ANXA3: variants seen among roughly 807,000 people sequenced by gnomAD.
The protein encoded by ANXA3 is annexin A3, also known as 35-alpha calcimedin.
Under a neutral mutation model 48.8 loss-of-function variants are expected in ANXA3, and 46 were observed. The ratio of observed to expected loss-of-function variants is 0.94; its 90% CI spans 0.74 to 1.21. The LOEUF is 1.21. Among genes scored for constraint, ANXA3 ranks in the 50% most tolerant of loss-of-function variants. ANXA3 has a pLI of 0.00. For synonymous variants in ANXA3, 128 were observed against 134.7 expected (o/e 0.95, Z 0.35); for missense variants, 383 against 378.6 (o/e 1.01, Z -0.10).
intron 4 of ANXA3, among the ~76,000 whole-genome samples, chr4:78,580,973 G>A (rs1484752265): frequency 6.6e-6 from 1 of 152,226 alleles, no homozygotes; most frequent in Non-Finnish European, 1.5e-5. Context: ...AAAGATGGAG[G>A]TGGAGGGGAA....
chr4:78,580,149 T>C (rs1028606724), intron 4 of ANXA3, among the ~76,000 whole-genome samples: 2 of 152,180 alleles, frequency 1.3e-5, no homozygotes, highest in Non-Finnish European at 2.9e-5. Flanking sequence ...ATAAGTGATA[T>C]GAAAGAATTA....
chr4:78,610,006 C>T (rs769130226), intron 12 of ANXA3, 50 bp from the exon 13 acceptor site: 195 of 1,395,774 alleles, frequency 1.4e-4, no homozygotes, highest in Non-Finnish European at 1.9e-4. Context: ...CATTTATGGT[C>T]TCCCATTATT....
intron 2 of ANXA3, among the ~76,000 whole-genome samples, chr4:78,572,769 A>G (rs1212172901): frequency 6.6e-6 from 1 of 152,228 alleles, no homozygotes; most frequent in East Asian, 1.9e-4. Context: ...CTCCAGAATA[A>G]TGGCAGGTAA....
chr4:78,559,957 G>A (rs555819119), intron 2 of ANXA3, among the ~76,000 whole-genome samples: 50 of 152,006 alleles, frequency 3.3e-4, no homozygotes, highest in African/African-American at 1.0e-3. Flanking sequence ...AAATAATATC[G>A]CTGCAACTGT....
chr4:78,605,019 A>G (rs1004199378), intron 12 of ANXA3, among the ~76,000 whole-genome samples: 16 of 152,244 alleles, frequency 1.1e-4, no homozygotes, highest in African/African-American at 3.9e-4. Flanking sequence ...TGCATTTTAA[A>G]TTTTGACAAA....
Position 78,573,174 on chromosome 4 carries a change from T to C in ANXA3, c.16-6T>C. On this transcript the variant is annotated splice_polypyrimidine_tract_variant and splice_region_variant and intron_variant, in intron 2 of 12. Coordinates refer to ENST00000264908, the MANE Select transcript of ANXA3 (RefSeq NM_005139.3). The stretch of plus-strand genomic sequence containing the variant: ...ACCAATGGGACTTTCAAGTATTTCC[T>C]TCTAGGTTGGACACCGAGGAACAGT... The C allele has an allele frequency of 6.2e-7, 1 of 1,604,612 alleles. No individual in the cohort carries two copies. Among genetic ancestry groups the C allele is most frequent in the Non-Finnish European group, 8.5e-7 (1 of 1,171,680 alleles).
intron 7 of ANXA3, among the ~76,000 whole-genome samples, chr4:78,593,101 T>C (rs1339579998): frequency 7.7e-6 from 1 of 130,450 alleles, no homozygotes; most frequent in African/African-American, 2.8e-5. Context: ...TATTTGTACA[T>C]GAACACACAT....
Position 78,573,071 on chromosome 4 carries a change from C to T in ANXA3, c.16-109C>T, listed in dbSNP as rs372821270. ...ACTCCTGAAGTGGTAGGAAGGTGTG[C>T]GAATTATGGGTTTGTCATATGCCTC... On this transcript the variant is annotated intron_variant, in intron 2 of 12. Transcript: ENST00000264908. 18 of 857,542 alleles carry T rather than the reference C, an allele frequency of 2.1e-5. No homozygotes were observed. The African/African-American group carries it at 2.3e-4, about 11-fold the overall frequency. 53.1% of individuals were successfully genotyped at this position (857,542 alleles called of 1,614,324 possible). A position where few individuals can be genotyped will look rare whatever the true frequency, so the allele number is the denominator to read the frequency against.
chr4:78,565,222 GA>G (rs1560441233), intron 2 of ANXA3, among the ~76,000 whole-genome samples: 5 of 152,110 alleles, frequency 3.3e-5, no homozygotes, highest in Admixed American at 3.3e-4. Flanking sequence ...TCGAACTCCT[GA>G]CCTCAGGTGA....
At chr4:78,584,250 C>T (rs1433707970) in intron 5 of ANXA3, among the ~76,000 whole-genome samples, 1 of 152,178 alleles carries the variant, frequency 6.6e-6, no homozygotes, top group Non-Finnish European at 1.5e-5. Flanking sequence ...GCAATTATGG[C>T]TCACTGCAGC....
chr4:78,553,322 T>C (rs1252409272), intron 1 of ANXA3, among the ~76,000 whole-genome samples: 2 of 152,202 alleles, frequency 1.3e-5, no homozygotes, highest in East Asian at 3.8e-4. Context: ...TATTAAATCA[T>C]TCATTTAATC....
intron 11 of ANXA3, chr4:78,602,811 T>C (rs1447605182): frequency 6.6e-6 from 1 of 152,372 alleles, no homozygotes; most frequent in Non-Finnish European, 1.5e-5. Context: ...TCCCAGAGAA[T>C]GGCCCCAACA....
At chr4:78,604,192 AT>A in intron 11 of ANXA3, 84 bp from the exon 12 acceptor site, 1 of 1,281,234 alleles carries the variant, frequency 7.8e-7, no homozygotes, top group Non-Finnish European at 1.1e-6. Flanking sequence ...TTTGCACACC[AT>A]TATCTGATTC....
Position 78,604,313 on chromosome 4 carries a change from A to G in ANXA3, c.826A>G (p.Met276Val), listed in dbSNP as rs1723603791. ...TGATGAGTTTACTCTGAACCGAATAATGGTGTCCAGATCAGAAATTGACCT... is the reference window on the plus strand; with the variant it reads ...TGATGAGTTTACTCTGAACCGAATAGTGGTGTCCAGATCAGAAATTGACCT... ...GTDEFTLNRI[M>V]VSRSEIDLLD... The change falls in exon 12 of 13, where the codon ATG becomes GTG. Residue 276 changes from methionine (M) to valine (V), a missense_variant. Transcript: ENST00000264908. 2.5e-6 allele frequency: 4 copies of G among 1,613,540 alleles called. No homozygotes were observed. The East Asian group carries it at 6.7e-5, about 27-fold the overall frequency.
At chr4:78,555,299 T>A (rs1441692812) in intron 2 of ANXA3, among the ~76,000 whole-genome samples, 1 of 152,176 alleles carries the variant, frequency 6.6e-6, no homozygotes, top group Non-Finnish European at 1.5e-5. Context: ...ACCAAACGCC[T>A]AAAAGAAAAA....
At position 78,588,271 on chromosome 4, in the gene ANXA3, C is replaced by T. The variant is rs116452286; in HGVS notation, c.403+1921C>T. ...GGCCAGGTGTGGTGGTGCACGCCTA[C>T]AGTCCCAGCTCCTCAGGAGGCTCAA... On this transcript the variant is annotated intron_variant, in intron 6 of 12. Transcript: ENST00000264908. 3.4e-3 allele frequency among the ~76,000 whole-genome samples: 516 copies of T among 151,612 alleles called. 9 individuals are homozygous for T. The highest frequency in any genetic ancestry group is 1.2e-3 in the Non-Finnish European group (82 of 67,870).
chr4:78,583,536 A>C lies in ANXA3; in HGVS notation c.312+1246A>C, dbSNP rs111310983. On this transcript the variant is annotated intron_variant, in intron 5 of 12. Transcript: ENST00000264908. ...CTATTTGGGAGGCTGAGGTGGGAGA[A>C]TCACTTAAGCCCAGCAGGTCTAGGC... Among the ~76,000 whole-genome samples, 645 of 152,034 alleles carry C rather than the reference A, an allele frequency of 4.2e-3. 5 individuals are homozygous for C. The highest frequency in any genetic ancestry group is 0.014 in the African/African-American group (593 of 41,464).
intron 4 of ANXA3, among the ~76,000 whole-genome samples, chr4:78,579,668 T>C (rs1378827286): frequency 6.6e-6 from 1 of 152,216 alleles, no homozygotes; most frequent in Non-Finnish European, 1.5e-5. Flanking sequence ...CCAGAAACTA[T>C]ATAAGAACAA....
At chr4:78,584,932 C>T (rs1042130977) in intron 5 of ANXA3, among the ~76,000 whole-genome samples, 3 of 152,136 alleles carry the variant, frequency 2.0e-5, no homozygotes, top group Admixed American at 6.5e-5. Context: ...AGTGAAGCTC[C>T]GAGAAAACCT....
Sources: allele counts gnomAD v4.1 joint callset (sites outside exome capture counted in the v4.1 genomes callset), GRCh38; gene constraint gnomAD v4.1.1; transcripts MANE v1.5; gene names NCBI Gene and HGNC (gene_info 2026-07-23, HGNC 2026-07-21).